Variants in SPANXN2 observed in about 807,000 individuals in gnomAD.
The protein encoded by SPANXN2 is SPANX family member N2.
Under a neutral mutation model 2.0 loss-of-function variants are expected in SPANXN2, and 1 was observed. That is an observed-to-expected ratio of 0.50 (90% CI 0.18 to 2.36). The LOEUF is 2.36. Ranked by LOEUF, SPANXN2 falls within the 30% of genes most tolerant of loss-of-function variation. SPANXN2 has a pLI of 0.26. For missense variants in SPANXN2, 88 were observed against 116.7 expected, an observed-to-expected ratio of 0.75 and a Z score of 1.13; for synonymous variants, 43 against 49.8, an observed-to-expected ratio of 0.86 and a Z score of 0.58.
intron 1 of SPANXN2, among the ~76,000 whole-genome samples, chrX:143,714,662 G>A (rs1233951649): frequency 9.0e-6 from 1 of 111,443 alleles, no homozygotes; most frequent in African/African-American, 3.3e-5. Context: ...AACTAAATAT[G>A]CCACCTTAAG....
intron 1 of SPANXN2, among the ~76,000 whole-genome samples, chrX:143,719,212 G>C (rs1456079567): frequency 9.0e-6 from 1 of 110,736 alleles, no homozygotes; most frequent in Non-Finnish European, 1.9e-5. Flanking sequence ...CATGTTACCA[G>C]TCGGATTCCA....
At chrX:143,717,277 G>A (rs1270511609) in intron 1 of SPANXN2, among the ~76,000 whole-genome samples, 8 of 111,691 alleles carry the variant, frequency 7.2e-5, no homozygotes, top group Non-Finnish European at 1.3e-4. Flanking sequence ...CAGGAACAGG[G>A]TTTCCTAACT....
chrX:143,716,822 A>G (rs1463555320), intron 1 of SPANXN2, among the ~76,000 whole-genome samples: 1 of 111,624 alleles, frequency 9.0e-6, no homozygotes, highest in Non-Finnish European at 1.9e-5. Context: ...AATCCCTTCT[A>G]TCCCTCCCAC....
At chrX:143,717,427 C>G (rs1367398784) in intron 1 of SPANXN2, among the ~76,000 whole-genome samples, 2 of 111,464 alleles carry the variant, frequency 1.8e-5, no homozygotes, top group Non-Finnish European at 3.8e-5. Flanking sequence ...AACCTTTCAA[C>G]AAATTCGGCA....
chrX:143,720,211 G>A (rs1556450657), intron 1 of SPANXN2, among the ~76,000 whole-genome samples: 2 of 110,086 alleles, frequency 1.8e-5, no homozygotes, highest in Admixed American at 9.6e-5. Flanking sequence ...TTCCACGGGG[G>A]TTCGGGCCAT....
At chrX:143,716,784 C>T (rs1158929426) in intron 1 of SPANXN2, among the ~76,000 whole-genome samples, 1 of 112,016 alleles carries the variant, frequency 8.9e-6, no homozygotes, top group Admixed American at 9.5e-5. Flanking sequence ...TGCATCTTCC[C>T]ATTATCTACA....
At chrX:143,715,146 A>C (rs782310899) in intron 1 of SPANXN2, among the ~76,000 whole-genome samples, 1 of 111,541 alleles carries the variant, frequency 9.0e-6, no homozygotes, top group Non-Finnish European at 1.9e-5. Context: ...CCCTACTGCC[A>C]TCACCACCTC....
chrX:143,712,410 G>A lies in SPANXN2; in HGVS notation c.168C>T (p.Tyr56=), dbSNP rs1332223356. The change falls in exon 2 of 2, where the codon TAC becomes TAT. Residue 56 remains tyrosine, a synonymous_variant. Transcript: ENST00000598475. Reference sequence around the variant, plus strand: ...AATTTATTTTCGTATGCTTCCTGTAGTAATACACTATTATTGTTAGATATT... The same window carrying A: ...AATTTATTTTCGTATGCTTCCTGTAATAATACACTATTATTGTTAGATATT... 4.8e-5 allele frequency: 58 copies of A among 1,211,279 alleles called. 1 individual carries two copies. The Admixed American group carries it at 1.2e-3, about 26-fold the overall frequency.
exon 1 of SPANXN2, chrX:143,720,648 G>T (rs781846368): frequency 2.5e-6 from 3 of 1,208,674 alleles, no homozygotes; most frequent in South Asian, 3.5e-5. Context: ...CCCCATTGGT[G>T]CTTGAAGTCG....
chrX:143,715,430 A>C (rs1449366707), intron 1 of SPANXN2, among the ~76,000 whole-genome samples: 24 of 109,291 alleles, frequency 2.2e-4, no homozygotes, highest in Admixed American at 5.9e-4. Context: ...AAATTCCAGA[A>C]CTCCATGCAA....
At chrX:143,712,804 A>T (rs1173554848) in intron 1 of SPANXN2, among the ~76,000 whole-genome samples, 1 of 111,852 alleles carries the variant, frequency 8.9e-6, no homozygotes, top group Non-Finnish European at 1.9e-5. Flanking sequence ...CCACCTGACC[A>T]CAGGGCGGAC....
At chrX:143,717,568 C>G (rs1460994716) in intron 1 of SPANXN2, among the ~76,000 whole-genome samples, 1 of 112,273 alleles carries the variant, frequency 8.9e-6, no homozygotes, top group Non-Finnish European at 1.9e-5. Flanking sequence ...ATAGTTCGAT[C>G]TCACTGATAA....
intron 1 of SPANXN2, among the ~76,000 whole-genome samples, chrX:143,717,971 G>A (rs1293697486): frequency 9.0e-6 from 1 of 111,515 alleles, no homozygotes; most frequent in Non-Finnish European, 1.9e-5. Context: ...ATTATCCACC[G>A]GTTTAAACTC....
intron 1 of SPANXN2, among the ~76,000 whole-genome samples, chrX:143,715,503 C>G (rs376357889): frequency 9.1e-6 from 1 of 109,712 alleles, no homozygotes; most frequent in African/African-American, 3.3e-5. Context: ...CCCTCTCCCC[C>G]CACTCATCCT....
rs782333345 is a variant in SPANXN2, at chrX:143,720,597, AT to A, written c.71del (p.Asn24MetfsTer12). 0.011 allele frequency: 13,201 copies of A among 1,203,622 alleles called. 64 individuals are homozygous for A. Among genetic ancestry groups the A allele is most frequent in the Non-Finnish European group, 0.014 (12,108 of 891,823 alleles). ...CAAAACCTAACAATCTTACCTCATC[AT>A]TTTTTTTGTTATTGGATTCACAGGG... On this transcript the variant is annotated frameshift_variant, in exon 1 of 2. Transcript: ENST00000598475. LOFTEE classifies it low-confidence loss of function (END_TRUNC).
chrX:143,718,975 G>A (rs192926716), intron 1 of SPANXN2, among the ~76,000 whole-genome samples: 14 of 111,407 alleles, frequency 1.3e-4, no homozygotes, highest in Admixed American at 5.7e-4. Context: ...TGTTAAATTT[G>A]TTTGTCCACA....
chrX:143,720,184 T>G (rs782564606), intron 1 of SPANXN2, among the ~76,000 whole-genome samples: 2 of 110,735 alleles, frequency 1.8e-5, no homozygotes, highest in South Asian at 7.7e-4. Context: ...TTTGCAGACC[T>G]TGATCAAAGT....
chrX:143,717,061 G>C (rs1480080626), intron 1 of SPANXN2, among the ~76,000 whole-genome samples: 1 of 112,074 alleles, frequency 8.9e-6, no homozygotes, highest in Non-Finnish European at 1.9e-5. Context: ...ACCTCTTTTA[G>C]GCAGCCATGT....
At chrX:143,714,582 TATC>T (rs1485743534) in intron 1 of SPANXN2, among the ~76,000 whole-genome samples, 1 of 111,844 alleles carries the variant, frequency 8.9e-6, no homozygotes, top group Non-Finnish European at 1.9e-5. Context: ...GGCCATATGA[TATC>T]ATGCCTTCTA....
Sources: allele counts gnomAD v4.1 joint callset (sites outside exome capture counted in the v4.1 genomes callset), GRCh38; gene constraint gnomAD v4.1.1; transcripts MANE v1.5; gene names NCBI Gene and HGNC (gene_info 2026-07-23, HGNC 2026-07-21).